Variants in PARP8 observed in about 807,000 individuals in gnomAD.
PARP8 encodes the protein poly(ADP-ribose) polymerase family member 8, also known as protein mono-ADP-ribosyltransferase PARP8.
A neutral mutation model predicts 124.1 loss-of-function variants in PARP8; 51 were observed. The observed-to-expected ratio is 0.41, with a 90% CI of 0.33 to 0.52. The LOEUF is 0.52. Among genes scored for constraint, PARP8 ranks in the 20% least tolerant of loss-of-function variants. The pLI, the probability that PARP8 is intolerant of heterozygous loss-of-function variation, is 0.21. For synonymous variants in PARP8, 391 were observed against 361.5 expected (o/e 1.08, Z -0.93); for missense variants, 860 against 1,018.9 (o/e 0.84, Z 2.12).
chr5:50,727,734 A>T (rs1756569730), intron 2 of PARP8, among the ~76,000 whole-genome samples: 1 of 152,148 alleles, frequency 6.6e-6, no homozygotes, highest in Non-Finnish European at 1.5e-5. Flanking sequence ...CAAATTCCGC[A>T]ATTATTTTCT....
chr5:50,677,585 A>G (rs936232496), intron 2 of PARP8, among the ~76,000 whole-genome samples: 6 of 152,174 alleles, frequency 3.9e-5, no homozygotes, highest in African/African-American at 1.4e-4. Context: ...AGAAATGATG[A>G]GACTGGGGCC....
At chr5:50,839,674 C>A (rs1747961711) in intron 25 of PARP8, among the ~76,000 whole-genome samples, 1 of 151,238 alleles carries the variant, frequency 6.6e-6, no homozygotes, top group Non-Finnish European at 1.5e-5. Flanking sequence ...CTTTCTCTCT[C>A]TCTCTCTCTC....
chr5:50,765,014 C>T (rs961088979), intron 7 of PARP8, among the ~76,000 whole-genome samples: 21 of 151,734 alleles, frequency 1.4e-4, no homozygotes, highest in Admixed American at 5.2e-4. Context: ...GTAATCCTAG[C>T]ACTTTGGGAG....
intron 2 of PARP8, among the ~76,000 whole-genome samples, chr5:50,749,542 A>G (rs1223697240): frequency 1.3e-5 from 2 of 152,148 alleles, no homozygotes; most frequent in African/African-American, 2.4e-5. Flanking sequence ...GAGTTGTGCA[A>G]TTGTTAAAAT....
In PARP8 at chr5:50,832,850, C is replaced by T. The variant is rs772708087; in HGVS notation, c.2303C>T (p.Ser768Leu). ...TCAAGCAGTAAAAGCAGCAATACATCACAGGTGTTGTAGTGACTTTAGTGA... is the reference window on the plus strand; with the variant it reads ...TCAAGCAGTAAAAGCAGCAATACATTACAGGTGTTGTAGTGACTTTAGTGA... ...PASSSKSSNTSQSQKKGQQSQ... is the reference protein window; with the variant it reads ...PASSSKSSNTLQSQKKGQQSQ... Residue 768 changes from serine to leucine, a missense_variant, in exon 23 of 26, where the codon TCA (serine) becomes TTA (leucine). Transcript: ENST00000281631. 1.9e-6 allele frequency: 3 copies of T among 1,612,900 alleles called. No individual in the cohort carries two copies. In the African/African-American group the frequency reaches 4.0e-5, roughly 22 times the overall value.
chr5:50,841,648 A>C (rs1452477178), intron 25 of PARP8, among the ~76,000 whole-genome samples: 1 of 151,708 alleles, frequency 6.6e-6, no homozygotes, highest in Non-Finnish European at 1.5e-5. Flanking sequence ...ATATTTTTTT[A>C]TAGTAGACTT....
intron 7 of PARP8, among the ~76,000 whole-genome samples, chr5:50,764,116 TA>T (rs760569683): frequency 2.0e-5 from 3 of 152,242 alleles, no homozygotes; most frequent in Non-Finnish European, 4.4e-5. Context: ...CCAGTGCAGA[TA>T]AGTTACTCTG....
At chr5:50,762,085 A>C (rs146794358) in intron 6 of PARP8, among the ~76,000 whole-genome samples, 187 bp downstream of exon 6, 4 of 152,284 alleles carry the variant, frequency 2.6e-5, no homozygotes, top group African/African-American at 9.6e-5. Flanking sequence ...GTTCCCCTGC[A>C]GTCCTTTCAA....
At chr5:50,686,865 C>T (rs1435335541) in intron 2 of PARP8, among the ~76,000 whole-genome samples, 8 of 152,268 alleles carry the variant, frequency 5.3e-5, no homozygotes, top group Non-Finnish European at 4.4e-5. Context: ...AGGCTGCACA[C>T]GGCATGGAGA....
chr5:50,733,350 A>G (rs956001601), intron 2 of PARP8, among the ~76,000 whole-genome samples: 1 of 152,098 alleles, frequency 6.6e-6, no homozygotes, highest in Non-Finnish European at 1.5e-5. Context: ...GACCTAACAG[A>G]TGGTGCCTAT....
chr5:50,761,734 C>A, intron 5 of PARP8, 87 bp from the exon 6 acceptor site: 2 of 833,226 alleles, frequency 2.4e-6, no homozygotes, highest in African/African-American at 1.8e-5. Flanking sequence ...AATATATGCT[C>A]AAGACTTGCC....
intron 2 of PARP8, among the ~76,000 whole-genome samples, chr5:50,715,674 A>G (rs1366740157): frequency 6.6e-6 from 1 of 152,096 alleles, no homozygotes; most frequent in African/African-American, 2.4e-5. Context: ...ACAGGTAAAT[A>G]TTGAGAGAAT....
chr5:50,750,269 T>C lies in PARP8; in HGVS notation c.184+81T>C. 6.9e-6 allele frequency: 8 copies of C among 1,165,652 alleles called. No individual in the cohort carries two copies. The South Asian group carries it at 7.5e-5, about 11-fold the overall frequency. The allele number at this position is 1,165,652 out of a possible 1,614,324, so 72.2% of individuals were successfully genotyped here. ...TTTTCTTCTGGAGATGTAAAACGCA[T>C]ATAAATATATTGAGGGGTGAAACAC... On this transcript the variant is annotated intron_variant, in intron 3 of 25. Coordinates refer to ENST00000281631, the MANE Select transcript of PARP8 (RefSeq NM_024615.4).
At chr5:50,839,487 G>T (rs37425) in intron 25 of PARP8, among the ~76,000 whole-genome samples, 151,307 of 152,072 alleles carry the variant, frequency 0.99, 75,277 homozygotes, top group Middle Eastern at 1. Context: ...GTTGCCCAAA[G>T]TAAATGGATG....
chr5:50,737,099 TC>T (rs933912365), intron 2 of PARP8, among the ~76,000 whole-genome samples: 1 of 152,134 alleles, frequency 6.6e-6, no homozygotes, highest in African/African-American at 2.4e-5. Context: ...TGGTTGAGGC[TC>T]CCAAAATTTA....
chr5:50,844,514 A>C lies in PARP8; in HGVS notation c.*2446A>C, dbSNP rs1748469455. On this transcript the variant is annotated 3_prime_UTR_variant, in exon 26 of 26. Coordinates refer to ENST00000281631, the MANE Select transcript of PARP8 (RefSeq NM_024615.4). ...ATTTAGAGATTTGAACACTGTTATCATGCTTTAATTCAGTCATTCATTAAA... is the reference window on the plus strand; with the variant it reads ...ATTTAGAGATTTGAACACTGTTATCCTGCTTTAATTCAGTCATTCATTAAA... 1 of 151,772 alleles carries C rather than the reference A, an allele frequency of 6.6e-6. No individual in the cohort carries two copies. The highest frequency in any genetic ancestry group is 2.4e-5 in the African/African-American group (1 of 41,408). 9.4% of individuals were successfully genotyped at this position (151,772 alleles called of 1,614,324 possible).
chr5:50,797,145 A>G lies in PARP8; in HGVS notation c.1487A>G (p.Glu496Gly). Residue 496 changes from glutamate (E) to glycine (G), a missense_variant, in exon 14 of 26, where the codon GAG becomes GGG. Coordinates refer to ENST00000281631, the MANE Select transcript of PARP8 (RefSeq NM_024615.4). Reference protein sequence around the residue: ...RDRGFLVQTIEFAEQRIPVLN... With the variant: ...RDRGFLVQTIGFAEQRIPVLN... The stretch of plus-strand genomic sequence containing the variant: ...CCTTACTGTTTTATTCAGACAATTG[A>G]GTTTGCTGAACAGCGGATCCCTGTA... 1 of 1,613,096 alleles carries G rather than the reference A, an allele frequency of 6.2e-7. No individual in the cohort carries two copies. The highest frequency in any genetic ancestry group is 8.5e-7 in the Non-Finnish European group (1 of 1,179,446).
At chr5:50,739,085 A>G in intron 2 of PARP8, 1 of 702,476 alleles carries the variant, frequency 1.4e-6, no homozygotes, top group Non-Finnish European at 2.6e-6. Context: ...GACTTCCCAC[A>G]GGTATTGAAT....
At chr5:50,764,988 G>A (rs1476238027) in intron 7 of PARP8, among the ~76,000 whole-genome samples, 18 of 151,508 alleles carry the variant, frequency 1.2e-4, no homozygotes, top group African/African-American at 4.1e-4. Flanking sequence ...GTTGCTGGGC[G>A]CGGTGGCTCA....
Sources: allele counts gnomAD v4.1 joint callset (sites outside exome capture counted in the v4.1 genomes callset), GRCh38; gene constraint gnomAD v4.1.1; transcripts MANE v1.5; gene names NCBI Gene and HGNC (gene_info 2026-07-23, HGNC 2026-07-21).